The following ZFHX3 variants were observed in gnomAD, a reference collection of about 807,000 sequenced individuals.
ZFHX3 encodes zinc finger homeobox protein 3.
A neutral mutation model predicts 279.1 loss-of-function variants in ZFHX3; 42 were observed. The ratio of observed to expected loss-of-function variants is 0.15; its 90% CI spans 0.12 to 0.19. The LOEUF (loss-of-function observed/expected upper bound fraction) is 0.19, where lower values mean the gene tolerates loss of function less well. Among genes scored for constraint, ZFHX3 ranks in the 10% least tolerant of loss-of-function variants. The pLI, the probability that ZFHX3 is intolerant of heterozygous loss-of-function variation, is 1.00. For synonymous variants in ZFHX3, 2,293 were observed against 1,957.8 expected (o/e 1.17, Z -4.52); for missense variants, 4,981 against 4,754.0 (o/e 1.05, Z -1.40).
chr16:73,846,020 A>G (rs538888940), intron 1 of ZFHX3, among the ~76,000 whole-genome samples: 111 of 152,220 alleles, frequency 7.3e-4, no homozygotes, highest in African/African-American at 2.4e-3. Context: ...GCTGTTCTCT[A>G]AATTCTGGAC....
At chr16:73,496,162 C>A (rs1317018100) in intron 2 of ZFHX3, among the ~76,000 whole-genome samples, 1 of 152,218 alleles carries the variant, frequency 6.6e-6, no homozygotes, top group Non-Finnish European at 1.5e-5. Flanking sequence ...TGCCCCTTAG[C>A]ACAAACTCCA....
intron 4 of ZFHX3, among the ~76,000 whole-genome samples, chr16:73,257,338 C>T (rs1197336513): frequency 1.3e-5 from 2 of 152,138 alleles, no homozygotes; most frequent in Non-Finnish European, 2.9e-5. Context: ...CTGAAGAGTT[C>T]TGTGTCTCAG....
At chr16:73,308,387 G>T (rs925360292) in intron 4 of ZFHX3, among the ~76,000 whole-genome samples, 1 of 151,284 alleles carries the variant, frequency 6.6e-6, no homozygotes, top group African/African-American at 2.4e-5. Flanking sequence ...TCCGCTCAAT[G>T]CCACCTCCGC....
At chr16:73,221,159 T>C (rs2012405973) in intron 5 of ZFHX3, among the ~76,000 whole-genome samples, 1 of 152,190 alleles carries the variant, frequency 6.6e-6, no homozygotes, top group African/African-American at 2.4e-5. Flanking sequence ...GCTTCTGACC[T>C]CTGTAGAAGA....
chr16:73,608,663 C>T (rs758877915), intron 2 of ZFHX3: 31 of 151,834 alleles, frequency 2.0e-4, no homozygotes, highest in Admixed American at 1.3e-3. Flanking sequence ...TGATGTGATG[C>T]GATATTAACT....
intron 8 of ZFHX3, among the ~76,000 whole-genome samples, chr16:73,068,446 T>C (rs778629990): frequency 1.1e-4 from 17 of 152,206 alleles, no homozygotes; most frequent in Non-Finnish European, 2.5e-4. Context: ...TGGTCCCCCA[T>C]GTTATTCACT....
At chr16:73,348,520 G>A (rs769347904) in intron 3 of ZFHX3, among the ~76,000 whole-genome samples, 6 of 152,148 alleles carry the variant, frequency 3.9e-5, no homozygotes, top group African/African-American at 1.4e-4. Flanking sequence ...ACTTGAAGCC[G>A]TGTTTGATGT....
At chr16:73,682,842 A>C (rs11149999) in intron 1 of ZFHX3, among the ~76,000 whole-genome samples, 7 of 141,526 alleles carry the variant, frequency 4.9e-5, no homozygotes, top group Non-Finnish European at 9.0e-5. Context: ...GAGAGAGAGA[A>C]AAAAAGAAAG....
chr16:73,678,309 G>A (rs2052975340), intron 2 of ZFHX3, among the ~76,000 whole-genome samples: 1 of 152,040 alleles, frequency 6.6e-6, no homozygotes, highest in East Asian at 1.9e-4. Flanking sequence ...TTGGTTATTG[G>A]GAATGAAAGT....
chr16:73,615,491 A>G (rs115754954), intron 2 of ZFHX3, among the ~76,000 whole-genome samples: 3,128 of 152,330 alleles, frequency 0.021, 112 homozygotes, highest in African/African-American at 0.071. Flanking sequence ...CATCTAATCT[A>G]TAAACTAGCA....
chr16:73,638,663 G>T (rs998745302), intron 2 of ZFHX3, among the ~76,000 whole-genome samples: 1 of 152,086 alleles, frequency 6.6e-6, no homozygotes, highest in Admixed American at 6.6e-5. Flanking sequence ...TTGTGTTTTT[G>T]TTGGCCAAGT....
chr16:73,492,175 C>T (rs1375599917), intron 2 of ZFHX3, among the ~76,000 whole-genome samples: 1 of 152,172 alleles, frequency 6.6e-6, no homozygotes, highest in African/African-American at 2.4e-5. Context: ...CTGCCTCTGA[C>T]TCCAACCTCT....
intron 5 of ZFHX3, among the ~76,000 whole-genome samples, chr16:73,148,486 A>G (rs1169877612): frequency 2.6e-5 from 4 of 151,288 alleles, no homozygotes; most frequent in African/African-American, 9.7e-5. Flanking sequence ...TTAAGGTCCT[A>G]GAAACTCAGT....
chr16:72,933,120 G>A (rs1001923087), intron 3 of ZFHX3, among the ~76,000 whole-genome samples: 20 of 152,096 alleles, frequency 1.3e-4, no homozygotes, highest in African/African-American at 4.3e-4. Flanking sequence ...ACATGTGCCC[G>A]GCATCTCGTG....
chr16:73,573,574 G>A (rs1305192783), intron 2 of ZFHX3, among the ~76,000 whole-genome samples: 2 of 152,206 alleles, frequency 1.3e-5, no homozygotes, highest in African/African-American at 4.8e-5. Context: ...GGTCAAGTGC[G>A]TTACAGTCGT....
intron 1 of ZFHX3, among the ~76,000 whole-genome samples, chr16:73,747,262 T>C (rs548367451): frequency 6.6e-6 from 1 of 152,278 alleles, no homozygotes; most frequent in Non-Finnish European, 1.5e-5. Context: ...CTCATGCCTG[T>C]AGTCCCAACC....
intron 1 of ZFHX3, among the ~76,000 whole-genome samples, chr16:73,803,202 G>A (rs909807132): frequency 1.3e-5 from 2 of 152,140 alleles, no homozygotes; most frequent in Non-Finnish European, 2.9e-5. Context: ...TATAGAACAG[G>A]AAATGCAAAT....
At chr16:72,990,866 GC>G (rs564983039) in intron 1 of ZFHX3, among the ~76,000 whole-genome samples, 1 of 152,240 alleles carries the variant, frequency 6.6e-6, no homozygotes, top group African/African-American at 2.4e-5. Context: ...TGTAATCCCA[GC>G]TACTCGAGAG....
Position 72,796,760 on chromosome 16 carries a change from A to G in ZFHX3, c.5922T>C (p.Thr1974=), listed in dbSNP as rs1331206954. 1 of 1,613,528 alleles carries G rather than the reference A, an allele frequency of 6.2e-7. No individual in the cohort carries two copies. The stretch of plus-strand genomic sequence containing the variant: ...GCTTTTCCAGGTTCTCTCCCTGGTC[A>G]GTCTTCCCATTCTTTTTCTGCACCT... ...KQKVQKKNGK[T]DQGENLEKLE... Residue 1974 remains threonine (T), a synonymous_variant, in exon 9 of 10, where the codon ACT becomes ACC. Coordinates refer to ENST00000268489, the MANE Select transcript of ZFHX3 (RefSeq NM_006885.4).
Sources: gnomAD v4.1 joint callset for allele counts (sites outside exome capture counted in the v4.1 genomes callset) on GRCh38, gnomAD v4.1.1 for gene constraint, MANE v1.5 for transcripts, NCBI Gene and HGNC (gene_info 2026-07-23, HGNC 2026-07-21) for gene names.